Variants in MIA2 observed in about 807,000 individuals in gnomAD.
MIA2 encodes the protein melanoma inhibitory activity protein 2.
Under a neutral mutation model 167.8 loss-of-function variants are expected in MIA2, and 127 were observed. That is an observed-to-expected ratio of 0.76 (90% confidence interval 0.66 to 0.88). The LOEUF (loss-of-function observed/expected upper bound fraction) is 0.88, where lower values mean the gene tolerates loss of function less well. MIA2 is among the 40% of genes least tolerant of loss of function. The pLI is 0.00. For missense variants in MIA2, 1,690 were observed against 1,624.7 expected (o/e 1.04, Z -0.69); for synonymous variants, 552 against 541.9 (o/e 1.02, Z -0.26).
rs1302030214 is a variant in MIA2 at position 39,346,009 on chromosome 14, C to T, written c.3761C>T (p.Pro1254Leu). 3.1e-6 allele frequency: 5 copies of T among 1,612,262 alleles called. No homozygotes were observed. The highest frequency in any genetic ancestry group is 1.7e-5 in the Admixed American group (1 of 59,938). ...GCAGAACTCAGAAGTTTTAATATGC[C>T]TTCTTTGGATAAAATGGGTAAGAAG... ...GPAELRSFNM[P>L]SLDKMDGSMP... Residue 1254 changes from proline to leucine, a missense_variant, in exon 26 of 29, where the codon CCT becomes CTT. Coordinates refer to ENST00000640607, the MANE Select transcript of MIA2 (RefSeq NM_001329214.4).
downstream of MIA2, chr14:39,351,501 A>G (rs972196462): frequency 8.5e-5 from 13 of 152,182 alleles, no homozygotes; most frequent in African/African-American, 2.4e-4. Flanking sequence ...CGTGGTCTGA[A>G]TGTGTTCCCC....
At position 39,252,834 on chromosome 14, in the gene MIA2, T is replaced by C. The variant is rs778572939; in HGVS notation, c.1654T>C (p.Ser552Pro). The change falls in exon 5 of 29, where the codon TCG becomes CCG. Residue 552 changes from serine (S) to proline (P), a missense_variant. Physicochemically the swap from Ser to Pro is moderately conservative, Grantham distance 74. Coordinates refer to ENST00000640607, the MANE Select transcript of MIA2 (RefSeq NM_001329214.4). ...PSSSKDSDEN[S>P]KPSVDTEGPA... ...ATCTTCTAAAGATAGTGATGAAAATTCGAAACCATCAGTAGACACCGAAGG... is the reference window on the plus strand; with the variant it reads ...ATCTTCTAAAGATAGTGATGAAAATCCGAAACCATCAGTAGACACCGAAGG... 1.4e-5 allele frequency: 23 copies of C among 1,614,006 alleles called. No individual in the cohort carries two copies. Among genetic ancestry groups the C allele is most frequent in the Non-Finnish European group, 1.9e-5 (22 of 1,179,934 alleles).
downstream of MIA2, among the ~76,000 whole-genome samples, chr14:39,356,074 A>G (rs1470900079): frequency 6.6e-6 from 1 of 152,202 alleles, no homozygotes; most frequent in Non-Finnish European, 1.5e-5. Context: ...TCATAAAATG[A>G]GTTAGGGAGG....
intron 13 of MIA2, among the ~76,000 whole-genome samples, chr14:39,295,809 C>T (rs761931222): frequency 3.3e-5 from 5 of 152,168 alleles, no homozygotes; most frequent in East Asian, 1.9e-4. Context: ...CCGCCTGCCT[C>T]GGCCTCCTAA....
At chr14:39,353,697 T>C (rs1445936006), downstream of MIA2, among the ~76,000 whole-genome samples, 1 of 151,840 alleles carries the variant, frequency 6.6e-6, no homozygotes, top group African/African-American at 2.4e-5. Flanking sequence ...ATTAAGTGTA[T>C]CTCCTATCCC....
chr14:39,279,359 G>C lies in MIA2; in HGVS notation c.2041+1G>C, dbSNP rs751002901. ...CAGGTTAGGAGTCGGCTTTATGTGG[G>C]TAAGTTCTTTTTTCTGCTTTGACTC... On this transcript the variant is annotated splice_donor_variant, in intron 8 of 28. Transcript: ENST00000640607. LOFTEE classifies it high-confidence loss of function. 6.2e-7 allele frequency: 1 copy of C among 1,608,528 alleles called. No individual in the cohort carries two copies. Among genetic ancestry groups the C allele is most frequent in the South Asian group, 1.1e-5 (1 of 89,100 alleles).
At chr14:39,296,379 T>C (rs1228974521) in intron 13 of MIA2, among the ~76,000 whole-genome samples, 2 of 152,112 alleles carry the variant, frequency 1.3e-5, no homozygotes, top group African/African-American at 4.8e-5. Context: ...CTTTCCAATA[T>C]TGCTTTTAAG....
At chr14:39,354,910 A>C (rs1437232186), downstream of MIA2, among the ~76,000 whole-genome samples, 1 of 151,972 alleles carries the variant, frequency 6.6e-6, no homozygotes, top group Non-Finnish European at 1.5e-5. Context: ...GTTCTGTTCC[A>C]TTGATCTATA....
At chr14:39,322,095 A>C (rs2066554568) in intron 24 of MIA2, among the ~76,000 whole-genome samples, 1 of 151,488 alleles carries the variant, frequency 6.6e-6, no homozygotes, top group Admixed American at 6.6e-5. Flanking sequence ...GAAGCATTAG[A>C]ATTTGGAATT....
chr14:39,341,508 A>G (rs1369855331), intron 25 of MIA2, among the ~76,000 whole-genome samples: 2 of 152,174 alleles, frequency 1.3e-5, no homozygotes, highest in Non-Finnish European at 2.9e-5. Flanking sequence ...AGCTGGGTCA[A>G]TTTATCCATT....
At chr14:39,373,546 G>T (rs544958092) in intron 23 of MIA2, among the ~76,000 whole-genome samples, 1 of 152,346 alleles carries the variant, frequency 6.6e-6, no homozygotes, top group South Asian at 2.1e-4. Flanking sequence ...ATAGGGCTAG[G>T]CGTGGTGGTT....
chr14:39,300,933 C>T (rs1447436027), intron 14 of MIA2, among the ~76,000 whole-genome samples: 1 of 75,358 alleles, frequency 1.3e-5, no homozygotes, highest in Non-Finnish European at 3.0e-5. Flanking sequence ...TATATACACA[C>T]ACATATATAC....
In MIA2 at chr14:39,350,262, T is replaced by C. The variant is rs2074245198; in HGVS notation, c.4237T>C (p.Ter1413ArgextTer9). Residue 1413 changes from the stop codon to arginine (R), a stop_lost, in exon 29 of 29, where the codon TGA (stop) becomes CGA (arginine). Transcript: ENST00000640607. ...ACATCCAGAACCACAGCAAGAAACCTGACAATATTTTTGCTCTCTTCAAAA... is the reference window on the plus strand; with the variant it reads ...ACATCCAGAACCACAGCAAGAAACCCGACAATATTTTTGCTCTCTTCAAAA... ...TEHPEPQQET[*>R] The C allele has an allele frequency of 2.8e-6, 4 of 1,427,702 alleles. No individual in the cohort carries two copies. The highest frequency in any genetic ancestry group is 2.7e-5 in the Admixed American group (1 of 36,768). 88.4% of individuals were successfully genotyped at this position (1,427,702 alleles called of 1,614,324 possible).
At chr14:39,272,193 A>T (rs1317085855) in intron 6 of MIA2, among the ~76,000 whole-genome samples, 2 of 152,054 alleles carry the variant, frequency 1.3e-5, no homozygotes, top group African/African-American at 4.8e-5. Flanking sequence ...TCTACTAAAG[A>T]TACAAAAAAT....
At chr14:39,260,786 C>T (rs1250151574) in intron 6 of MIA2, among the ~76,000 whole-genome samples, 4 of 152,104 alleles carry the variant, frequency 2.6e-5, no homozygotes, top group African/African-American at 4.8e-5. Context: ...CTTGTCCATG[C>T]CTATGTCCTG....
At chr14:39,243,046 C>T (rs1332726419) in intron 3 of MIA2, among the ~76,000 whole-genome samples, 1 of 150,948 alleles carries the variant, frequency 6.6e-6, no homozygotes, top group Non-Finnish European at 1.5e-5. Context: ...TTGCTTGAAC[C>T]CAGAAGGCGG....
At chr14:39,380,646 T>G (rs1412801958) in intron 23 of MIA2, among the ~76,000 whole-genome samples, 1 of 131,646 alleles carries the variant, frequency 7.6e-6, no homozygotes, top group African/African-American at 3.0e-5. Flanking sequence ...TGAGCTGAGA[T>G]CGCACCACTG....
intron 6 of MIA2, chr14:39,266,069 G>C: frequency 1.0e-6 from 1 of 985,350 alleles, no homozygotes; most frequent in Non-Finnish European, 1.2e-6. Flanking sequence ...TTTTTAAATG[G>C]CATAACAGTT....
At chr14:39,248,195 T>G in intron 4 of MIA2, 54 bp downstream of exon 4, 3 of 1,206,750 alleles carry the variant, frequency 2.5e-6, no homozygotes, top group Non-Finnish European at 3.3e-6. Context: ...ACATAATTTA[T>G]TTTTATAAGT....
Sources: allele counts gnomAD v4.1 joint callset (sites outside exome capture counted in the v4.1 genomes callset), GRCh38; gene constraint gnomAD v4.1.1; transcripts MANE v1.5; gene names NCBI Gene and HGNC (gene_info 2026-07-23, HGNC 2026-07-21).